Variants in GREB1L observed in about 807,000 individuals in gnomAD.
The protein encoded by GREB1L is GREB1-like protein.
In GREB1L, 17 loss-of-function variants were observed where a neutral mutation model predicts 200.8. The observed-to-expected ratio is 0.08, with a 90% CI of 0.06 to 0.13. GREB1L has a LOEUF of 0.13. Ranked by LOEUF, GREB1L falls within the 10% of genes least tolerant of loss-of-function variation. GREB1L has a pLI of 1.00. For synonymous variants in GREB1L, 789 were observed against 893.0 expected (o/e 0.88, Z 2.08); for missense variants, 1,657 against 2,367.7 (o/e 0.70, Z 6.23).
intron 17 of GREB1L, among the ~76,000 whole-genome samples, chr18:21,478,215 A>G (rs1291409365): frequency 3.3e-5 from 5 of 152,230 alleles, no homozygotes; most frequent in Non-Finnish European, 7.3e-5. Context: ...AGATAACTCC[A>G]TAGTAGCAGT....
At chr18:21,269,557 T>C (rs2038045634) in intron 1 of GREB1L, among the ~76,000 whole-genome samples, 1 of 151,918 alleles carries the variant, frequency 6.6e-6, no homozygotes, top group South Asian at 2.1e-4. Flanking sequence ...TTTCTGCCAG[T>C]AGGAATGAAA....
intron 4 of GREB1L, among the ~76,000 whole-genome samples, chr18:21,390,434 G>A (rs2144241327): frequency 6.6e-6 from 1 of 152,340 alleles, no homozygotes; most frequent in African/African-American, 2.4e-5. Context: ...AGATATGGAG[G>A]TGGAAGAGTG....
At position 21,304,222 on chromosome 18, in the gene GREB1L, A is replaced by ATATTAT. The variant is rs35203034; in HGVS notation, c.-119-61779_-119-61774dup. Among the ~76,000 whole-genome samples the ATATTAT allele has an allele frequency of 5.3e-3, 791 of 148,772 alleles. 9 individuals carry two copies. The highest frequency in any genetic ancestry group is 0.025 in the Middle Eastern group (7 of 284). ...TTTCAAATCTTCACTAGTTAAGCCC[A>ATATTAT]TATTATTATTATTATTATTATTATT... On this transcript the variant is annotated intron_variant, in intron 1 of 32. Transcript: ENST00000424526.
intron 16 of GREB1L, among the ~76,000 whole-genome samples, chr18:21,474,272 C>T (rs1259705845): frequency 6.6e-6 from 1 of 152,166 alleles, no homozygotes; most frequent in Non-Finnish European, 1.5e-5. Flanking sequence ...AAATCAAAAG[C>T]AAGTTAGTTA....
chr18:21,333,389 C>G (rs907938729), intron 1 of GREB1L, among the ~76,000 whole-genome samples: 3 of 151,954 alleles, frequency 2.0e-5, no homozygotes, highest in African/African-American at 7.2e-5. Flanking sequence ...GAATAGATTT[C>G]TAAGGCCGGG....
intron 14 of GREB1L, chr18:21,452,443 A>T: frequency 2.0e-6 from 1 of 492,168 alleles, no homozygotes; most frequent in South Asian, 3.5e-5. Flanking sequence ...ATCAAAGTCA[A>T]AGACTTTATC....
At chr18:21,375,439 T>C (rs1201998595) in intron 2 of GREB1L, among the ~76,000 whole-genome samples, 1 of 152,204 alleles carries the variant, frequency 6.6e-6, no homozygotes, top group East Asian at 1.9e-4. Context: ...GCTTTGTGAC[T>C]CTTAGGCTCA....
chr18:21,429,722 A>T (rs1481152769), intron 7 of GREB1L, among the ~76,000 whole-genome samples: 1 of 152,030 alleles, frequency 6.6e-6, no homozygotes, highest in African/African-American at 2.4e-5. Flanking sequence ...TTTGCTTGTT[A>T]TGGGTCTATT....
chr18:21,493,070 A>T (rs1451877771), intron 19 of GREB1L, among the ~76,000 whole-genome samples: 1 of 152,324 alleles, frequency 6.6e-6, no homozygotes, highest in African/African-American at 2.4e-5. Flanking sequence ...GGATGTTCAC[A>T]TCGTAAGCAA....
chr18:21,451,195 T>C, intron 13 of GREB1L, 44 bp downstream of exon 13: 1 of 1,542,028 alleles, frequency 6.5e-7, no homozygotes. Context: ...CCCCTAGTTG[T>C]ATGATTTTCT....
chr18:21,300,738 T>G (rs2038604592), intron 1 of GREB1L, among the ~76,000 whole-genome samples: 1 of 152,170 alleles, frequency 6.6e-6, no homozygotes, highest in Non-Finnish European at 1.5e-5. Flanking sequence ...CTATTTTCTT[T>G]CCTTTTTCAT....
In GREB1L at chr18:21,525,716, A is replaced by T. The variant is rs2037674837; in HGVS notation, c.*2895A>T. ...TTCTCAAACTTTTTGAGAGTGTCTCAAAGTTGCTAGAACTATGTAGTATGA... is the reference window on the plus strand; with the variant it reads ...TTCTCAAACTTTTTGAGAGTGTCTCTAAGTTGCTAGAACTATGTAGTATGA... On this transcript the variant is annotated 3_prime_UTR_variant, in exon 33 of 33. Coordinates refer to ENST00000424526, the MANE Select transcript of GREB1L (RefSeq NM_001142966.3). Among the ~76,000 whole-genome samples the T allele has an allele frequency of 6.6e-6, 1 of 152,200 alleles. No individual in the cohort carries two copies. The highest frequency in any genetic ancestry group is 1.5e-5 in the Non-Finnish European group (1 of 68,038).
intron 1 of GREB1L, among the ~76,000 whole-genome samples, chr18:21,275,045 T>C (rs1463005629): frequency 6.6e-6 from 1 of 152,060 alleles, no homozygotes; most frequent in Non-Finnish European, 1.5e-5. Context: ...ATCGAGACCA[T>C]CCTGGCTAAC....
chr18:21,505,621 C>G lies in GREB1L; in HGVS notation c.4228+54C>G, dbSNP rs73960439. 1.9e-3 allele frequency: 2,943 copies of G among 1,530,890 alleles called. 49 individuals are homozygous for G. In the African/African-American group the frequency reaches 0.035, roughly 18 times the overall value. The allele number at this position is 1,530,890 out of a possible 1,614,324, so 94.8% of individuals were successfully genotyped here. ...TCTCTGGGTTAAGGGGACACTAGCT[C>G]AGGGTGCCTTACATCTCACTTTTCT... On this transcript the variant is annotated intron_variant, in intron 24 of 32. Transcript: ENST00000424526.
intron 7 of GREB1L, among the ~76,000 whole-genome samples, chr18:21,407,327 T>G (rs550251760): frequency 2.4e-4 from 37 of 152,232 alleles, no homozygotes; most frequent in Admixed American, 5.2e-4. Context: ...GGACGAGAAT[T>G]CAGGAATAGA....
chr18:21,498,285 G>A (rs530458627), intron 21 of GREB1L, among the ~76,000 whole-genome samples: 4 of 152,132 alleles, frequency 2.6e-5, no homozygotes, highest in Non-Finnish European at 5.9e-5. Flanking sequence ...GGTCTGTGGG[G>A]TTTGCTGTTG....
intron 1 of GREB1L, among the ~76,000 whole-genome samples, chr18:21,336,467 A>G (rs981669600): frequency 3.3e-5 from 5 of 152,164 alleles, no homozygotes; most frequent in Admixed American, 6.5e-5. Flanking sequence ...TTATATAGCA[A>G]TAAGCAAAAT....
At chr18:21,411,186 C>G (rs1302643570) in intron 7 of GREB1L, among the ~76,000 whole-genome samples, 2 of 150,606 alleles carry the variant, frequency 1.3e-5, no homozygotes, top group African/African-American at 2.4e-5. Flanking sequence ...TTAAGAATGA[C>G]AAATAGTTGA....
At chr18:21,338,939 A>G (rs976195266) in intron 1 of GREB1L, among the ~76,000 whole-genome samples, 2 of 152,242 alleles carry the variant, frequency 1.3e-5, no homozygotes, top group African/African-American at 4.8e-5. Flanking sequence ...CTGTAATCCT[A>G]GCACTTTGGG....
Sources: gnomAD v4.1 joint callset for allele counts (sites outside exome capture counted in the v4.1 genomes callset) on GRCh38, gnomAD v4.1.1 for gene constraint, MANE v1.5 for transcripts, NCBI Gene and HGNC (gene_info 2026-07-23, HGNC 2026-07-21) for gene names.